The following GRID2 variants were observed in gnomAD, a reference collection of about 807,000 sequenced individuals.
GRID2 encodes glutamate ionotropic receptor delta type subunit 2, also known as glutamate receptor ionotropic, delta-2.
In GRID2, 33 loss-of-function variants were observed where a neutral mutation model predicts 114.8. The observed-to-expected ratio is 0.29, with a 90% confidence interval of 0.22 to 0.38. The LOEUF is 0.38. GRID2 is among the 10% of genes least tolerant of loss of function. The pLI is 1.00. For missense variants in GRID2, 1,184 were observed against 1,257.7 expected (o/e 0.94, Z 0.89); for synonymous variants, 505 against 449.9 (o/e 1.12, Z -1.55).
intron 8 of GRID2, among the ~76,000 whole-genome samples, chr4:93,337,302 C>G (rs1230922991): frequency 1.3e-5 from 2 of 152,100 alleles, no homozygotes; most frequent in Non-Finnish European, 2.9e-5. Flanking sequence ...ATAAATAATG[C>G]CAAGAGACAT....
chr4:92,320,473 CT>C (rs1189855848), intron 1 of GRID2, among the ~76,000 whole-genome samples: 1 of 151,868 alleles, frequency 6.6e-6, no homozygotes, highest in South Asian at 2.1e-4. Flanking sequence ...ATATTACCTA[CT>C]TTTTTTTCTC....
chr4:92,397,344 G>A (rs1172793214), intron 1 of GRID2, among the ~76,000 whole-genome samples: 4 of 23,762 alleles, frequency 1.7e-4, no homozygotes, highest in African/African-American at 2.5e-4. Flanking sequence ...GTGTTTGTAT[G>A]TGTGTGTGTG....
intron 2 of GRID2, among the ~76,000 whole-genome samples, chr4:92,592,232 A>G (rs538231302): frequency 1.3e-5 from 2 of 152,046 alleles, no homozygotes; most frequent in Non-Finnish European, 2.9e-5. Flanking sequence ...GTGAGGACTG[A>G]TTTCTTTCTT....
At chr4:92,679,712 G>A (rs1447875233) in intron 2 of GRID2, among the ~76,000 whole-genome samples, 2 of 151,882 alleles carry the variant, frequency 1.3e-5, no homozygotes, top group East Asian at 3.9e-4. Flanking sequence ...AATTGCGTCT[G>A]AATAGTATGT....
intron 13 of GRID2, among the ~76,000 whole-genome samples, chr4:93,586,357 C>A (rs1395415371): frequency 6.6e-6 from 1 of 152,050 alleles, no homozygotes; most frequent in Non-Finnish European, 1.5e-5. Context: ...CTTCTGCTCA[C>A]CTACATTACA....
At chr4:93,614,189 C>A (rs13136322) in intron 13 of GRID2, among the ~76,000 whole-genome samples, 27,741 of 152,008 alleles carry the variant, frequency 0.18, 2,991 homozygotes, top group Middle Eastern at 0.29. Flanking sequence ...GTGCGTGCAC[C>A]CACTGGCCTG....
chr4:92,412,195 C>T (rs2110304121), intron 1 of GRID2, among the ~76,000 whole-genome samples: 1 of 151,958 alleles, frequency 6.6e-6, no homozygotes, highest in East Asian at 1.9e-4. Flanking sequence ...ATGGTTTATA[C>T]TCTGATTTCT....
chr4:92,643,588 C>G (rs1731468292), intron 2 of GRID2, among the ~76,000 whole-genome samples: 1 of 151,574 alleles, frequency 6.6e-6, no homozygotes, highest in East Asian at 1.9e-4. Context: ...TTTACAATAG[C>G]TACAAAAAAA....
intron 2 of GRID2, among the ~76,000 whole-genome samples, chr4:93,071,195 A>G (rs889933763): frequency 3.9e-5 from 6 of 152,094 alleles, no homozygotes; most frequent in African/African-American, 1.2e-4. Flanking sequence ...ATTTCTGTAA[A>G]AAAAGTAAAA....
At chr4:92,619,497 G>C (rs577980430) in intron 2 of GRID2, among the ~76,000 whole-genome samples, 2 of 151,572 alleles carry the variant, frequency 1.3e-5, no homozygotes, top group African/African-American at 4.8e-5. Context: ...GCAACCTCAG[G>C]TTTGTTGAGA....
chr4:93,114,176 T>G (rs1292235199), intron 4 of GRID2, among the ~76,000 whole-genome samples: 1 of 152,096 alleles, frequency 6.6e-6, no homozygotes, highest in Non-Finnish European at 1.5e-5. Context: ...CCCAGAGTGT[T>G]AGAATTCATG....
At position 92,454,144 on chromosome 4, in the gene GRID2, C is replaced by T. The variant is rs528628340; in HGVS notation, c.89-135987C>T. Among the ~76,000 whole-genome samples the T allele has an allele frequency of 1.3e-3, 197 of 152,246 alleles. 1 individual carries two copies. Among genetic ancestry groups the T allele is most frequent in the Middle Eastern group, 0.01 (3 of 294 alleles). The stretch of plus-strand genomic sequence containing the variant: ...TGACACATTGTTTTCTCTGCTATTA[C>T]TTACAAAATTTGAGTGTCTAAGTCA... On this transcript the variant is annotated intron_variant, in intron 1 of 15. Transcript: ENST00000282020.
At chr4:93,002,141 G>T (rs1161772537) in intron 2 of GRID2, among the ~76,000 whole-genome samples, 1 of 151,434 alleles carries the variant, frequency 6.6e-6, no homozygotes, top group East Asian at 1.9e-4. Context: ...ACATAGTATG[G>T]AAGAGTGACT....
At position 92,859,354 on chromosome 4, in the gene GRID2, A is replaced by G. The variant is rs1013458848; in HGVS notation, c.245-225641A>G. Among the ~76,000 whole-genome samples the G allele has an allele frequency of 6.6e-5, 10 of 152,240 alleles. No individual in the cohort carries two copies. In the East Asian group the frequency reaches 7.7e-4, roughly 12 times the overall value. On this transcript the variant is annotated intron_variant, in intron 2 of 15. Transcript: ENST00000282020. ...TTGATTTGATAGACTATAGTATAGT[A>G]TAAACACAATGTTTATATTCACTGG...
chr4:92,352,534 G>C (rs1477894150), intron 1 of GRID2, among the ~76,000 whole-genome samples: 1 of 151,754 alleles, frequency 6.6e-6, no homozygotes, highest in Non-Finnish European at 1.5e-5. Context: ...AATCCCATCA[G>C]TCAATTTTTG....
intron 10 of GRID2, among the ~76,000 whole-genome samples, chr4:93,446,693 G>T (rs1439362871): frequency 1.3e-5 from 2 of 152,038 alleles, no homozygotes; most frequent in South Asian, 4.1e-4. Flanking sequence ...ACATGAAATT[G>T]TAAGTTTGAA....
chr4:93,708,564 C>T (rs531692682), intron 14 of GRID2, among the ~76,000 whole-genome samples: 31 of 151,918 alleles, frequency 2.0e-4, no homozygotes, highest in African/African-American at 6.3e-4. Context: ...TCTCTATAGG[C>T]GAAGTGTGTT....
chr4:93,607,625 G>C (rs953315205), intron 13 of GRID2, among the ~76,000 whole-genome samples: 19 of 152,068 alleles, frequency 1.2e-4, no homozygotes, highest in Non-Finnish European at 2.5e-4. Context: ...TTTGAAAAAG[G>C]CTATAACATT....
At chr4:92,649,531 T>G (rs1253413256) in intron 2 of GRID2, among the ~76,000 whole-genome samples, 1 of 151,810 alleles carries the variant, frequency 6.6e-6, no homozygotes, top group Non-Finnish European at 1.5e-5. Context: ...TCCAGAAACA[T>G]TCTCACAGGC....
Sources: gnomAD v4.1 joint callset for allele counts (sites outside exome capture counted in the v4.1 genomes callset) on GRCh38, gnomAD v4.1.1 for gene constraint, MANE v1.5 for transcripts, NCBI Gene and HGNC (gene_info 2026-07-23, HGNC 2026-07-21) for gene names.